The following ZFAT variants were observed in gnomAD, a reference collection of about 807,000 sequenced individuals.
ZFAT encodes the protein zinc finger protein ZFAT.
Under a neutral mutation model 117.7 loss-of-function variants are expected in ZFAT, and 64 were observed. That is an observed-to-expected ratio of 0.54 (90% confidence interval 0.44 to 0.67). The LOEUF (loss-of-function observed/expected upper bound fraction) is 0.67. ZFAT is among the 30% of genes least tolerant of loss of function. The probability of loss-of-function intolerance (pLI) is 0.00; values close to 1 mark genes in which losing one functional copy is unlikely to be tolerated. For synonymous variants in ZFAT, 679 were observed against 615.0 expected, an observed-to-expected ratio of 1.10 and a Z score of -1.54; for missense variants, 1,433 against 1,584.5, an observed-to-expected ratio of 0.90 and a Z score of 1.62.
the ZFAT span, among the ~76,000 whole-genome samples, chr8:134,789,654 C>G: frequency 2.0e-5 from 3 of 152,104 alleles, no homozygotes; most frequent in African/African-American, 7.2e-5. Context: ...TCATAAAGAA[C>G]AGAAAAAGCC....
chr8:134,638,549 C>CACAAAAAAAAAAAAAAAAAAG (rs1830372911), intron 2 of ZFAT, among the ~76,000 whole-genome samples: 1 of 101,076 alleles, frequency 9.9e-6, no homozygotes, highest in South Asian at 2.8e-4. Context: ...ACTAAAAATA[C>CACAAAAAAAAAAAAAAAAAAG]AAAAAAAAAA....
Position 134,478,913 on chromosome 8 carries a change from G to A in ZFAT, c.3493-192C>T, listed in dbSNP as rs1190118688. On this transcript the variant is annotated intron_variant, in intron 15 of 15. Coordinates refer to ENST00000377838, the MANE Select transcript of ZFAT (RefSeq NM_020863.4). The surrounding 1 kb of genome is among the most constrained non-coding windows in gnomAD (Gnocchi z 5.2). Reference sequence around the variant, plus strand: ...GCTGAACAGAATGAGGTTCAGCAATGTAGGGCAACGTGGTCAGGGTCCCCA... The same window carrying A: ...GCTGAACAGAATGAGGTTCAGCAATATAGGGCAACGTGGTCAGGGTCCCCA... 1.3e-5 allele frequency among the ~76,000 whole-genome samples: 2 copies of A among 152,310 alleles called. No homozygotes were observed. The highest frequency in any genetic ancestry group is 2.4e-5 in the African/African-American group (1 of 41,576).
intron 11 of ZFAT, among the ~76,000 whole-genome samples, chr8:134,563,548 G>A (rs898308827): frequency 3.3e-5 from 5 of 152,186 alleles, no homozygotes; most frequent in Admixed American, 1.3e-4. Context: ...GAAGGTCCTC[G>A]TCACCTCAGA....
intron 5 of ZFAT, among the ~76,000 whole-genome samples, chr8:134,605,632 A>G (rs1827829576): frequency 6.6e-6 from 1 of 152,110 alleles, no homozygotes; most frequent in Non-Finnish European, 1.5e-5. Context: ...CACTTATGGG[A>G]ATTTATCCAA....
chr8:134,513,197 C>CTTTT (rs763874079), intron 13 of ZFAT, among the ~76,000 whole-genome samples: 1 of 132,998 alleles, frequency 7.5e-6, no homozygotes, highest in African/African-American at 2.8e-5. Flanking sequence ...GCTATTTGTG[C>CTTTT]TTTTTTTTTT....
At chr8:134,828,627 C>A in the ZFAT span, among the ~76,000 whole-genome samples, 1 of 152,218 alleles carries the variant, frequency 6.6e-6, no homozygotes, top group East Asian at 1.9e-4. Context: ...CTTATCCCCA[C>A]ATGAAGTACG....
At chr8:134,487,279 C>T (rs1011239852) in intron 15 of ZFAT, among the ~76,000 whole-genome samples, 2 of 152,210 alleles carry the variant, frequency 1.3e-5, no homozygotes, top group South Asian at 4.1e-4. Flanking sequence ...TGTGACACTA[C>T]TTGCCCCCTG....
chr8:134,762,015 A>C, the ZFAT span, among the ~76,000 whole-genome samples: 1 of 90,918 alleles, frequency 1.1e-5, no homozygotes, highest in Non-Finnish European at 2.2e-5. Context: ...TGTGTGTGCA[A>C]ATGTGTGCTT....
chr8:134,565,250 A>G (rs1824352936), intron 11 of ZFAT, 83 bp downstream of exon 11: 2 of 1,598,390 alleles, frequency 1.3e-6, no homozygotes, highest in East Asian at 4.5e-5. Flanking sequence ...ACAAACAATG[A>G]AAGAATGCTC....
At chr8:134,487,694 T>G (rs2130090302) in intron 15 of ZFAT, among the ~76,000 whole-genome samples, 2 of 152,256 alleles carry the variant, frequency 1.3e-5, no homozygotes, top group Middle Eastern at 6.8e-3. Flanking sequence ...GTCCACCATC[T>G]TTTCCCAAAG....
chr8:134,511,194 T>C (rs1819809205), intron 14 of ZFAT: 1 of 152,162 alleles, frequency 6.6e-6, no homozygotes, highest in Non-Finnish European at 1.5e-5. Flanking sequence ...GGAAGAGACA[T>C]CGGAGGGCCT....
chr8:134,484,769 A>T (rs1344059384), intron 15 of ZFAT, among the ~76,000 whole-genome samples: 2 of 152,186 alleles, frequency 1.3e-5, no homozygotes, highest in Non-Finnish European at 2.9e-5. Flanking sequence ...TTTTCCCCGG[A>T]ATAACAATAT....
chr8:134,550,852 C>T (rs532225422), intron 11 of ZFAT, among the ~76,000 whole-genome samples: 97 of 152,296 alleles, frequency 6.4e-4, no homozygotes, highest in Admixed American at 7.8e-4. Context: ...CAACCCCACC[C>T]GCCACGTTCA....
intron 11 of ZFAT, among the ~76,000 whole-genome samples, chr8:134,544,530 T>C (rs1822547332): frequency 6.6e-6 from 1 of 151,986 alleles, no homozygotes; most frequent in South Asian, 2.1e-4. Flanking sequence ...AGAAACTGTA[T>C]TCCTAACATA....
rs73354400 is a variant in ZFAT, at chr8:134,478,767, G to C, written c.3493-46C>G. Reference sequence around the variant, plus strand: ...AAAGGTCACCCAGCGCCTACTTCCCGGTCCAGCGTAACAACAAAGTCACAA... The same window carrying C: ...AAAGGTCACCCAGCGCCTACTTCCCCGTCCAGCGTAACAACAAAGTCACAA... On this transcript the variant is annotated intron_variant, in intron 15 of 15. Transcript: ENST00000377838. The surrounding 1 kb of genome is among the most constrained non-coding windows in gnomAD (Gnocchi z 5.2). 9 of 1,526,152 alleles carry C rather than the reference G, an allele frequency of 5.9e-6. No individual in the cohort carries two copies. Among genetic ancestry groups the C allele is most frequent in the African/African-American group, 1.4e-5 (1 of 72,680 alleles). 94.5% of individuals were successfully genotyped at this position (1,526,152 alleles called of 1,614,324 possible). A position where few individuals can be genotyped will look rare whatever the true frequency, so the allele number is the denominator to read the frequency against.
rs117872054 is a variant in ZFAT, at chr8:134,622,922, G to A, written c.449-12267C>T. ...TACCCTGCTTTTCCCAGCTGCCCTC[G>A]GTCCCACAGGTACACCATGACTTGA... On this transcript the variant is annotated intron_variant, in intron 3 of 15. Transcript: ENST00000377838. Among the ~76,000 whole-genome samples, 69 of 151,966 alleles carry A rather than the reference G, an allele frequency of 4.5e-4. No individual in the cohort carries two copies. The East Asian group carries it at 0.011, about 24-fold the overall frequency.
the ZFAT span, among the ~76,000 whole-genome samples, chr8:134,772,327 C>T: frequency 5.5e-4 from 83 of 152,248 alleles, no homozygotes; most frequent in African/African-American, 8.2e-4. Flanking sequence ...GAAAAGTTCA[C>T]GAAGGAAATT....
the ZFAT span, among the ~76,000 whole-genome samples, chr8:134,722,065 G>A: frequency 6.6e-6 from 1 of 152,254 alleles, no homozygotes; most frequent in African/African-American, 2.4e-5. Context: ...TGAGGCCACA[G>A]GATCTGTCCT....
At chr8:134,663,188 C>T (rs1832028011) in intron 1 of ZFAT, among the ~76,000 whole-genome samples, 1 of 152,170 alleles carries the variant, frequency 6.6e-6, no homozygotes, top group African/African-American at 2.4e-5. Flanking sequence ...AAGCAAGTTC[C>T]CAGAAGCAAC....
Sources: allele counts gnomAD v4.1 joint callset (sites outside exome capture counted in the v4.1 genomes callset), GRCh38; gene constraint gnomAD v4.1.1; non-coding constraint Gnocchi (gnomAD v3.1); transcripts MANE v1.5; gene names NCBI Gene and HGNC (gene_info 2026-07-23, HGNC 2026-07-21).